The following ODAD2 variants were observed in gnomAD, a reference collection of about 807,000 sequenced individuals.
ODAD2 encodes the protein outer dynein arm-docking complex subunit 2.
ODAD2 carries 89 observed loss-of-function variants against 106.8 expected under a neutral mutation model. The ratio of observed to expected loss-of-function variants is 0.83; its 90% CI spans 0.70 to 0.99. The LOEUF is 0.99. Among genes scored for constraint, ODAD2 ranks in the 50% least tolerant of loss-of-function variants. The probability of loss-of-function intolerance (pLI) is 0.00; values close to 1 mark genes in which losing one functional copy is unlikely to be tolerated. For synonymous variants in ODAD2, 404 were observed against 436.2 expected, an observed-to-expected ratio of 0.93 and a Z score of 0.92; for missense variants, 1,168 against 1,238.5, an observed-to-expected ratio of 0.94 and a Z score of 0.85.
chr10:27,897,579 A>T (rs1170181680), intron 17 of ODAD2, among the ~76,000 whole-genome samples: 1 of 152,136 alleles, frequency 6.6e-6, no homozygotes, highest in Non-Finnish European at 1.5e-5. Flanking sequence ...TTTTCATCTG[A>T]ACTACTGTAA....
chr10:27,814,350 C>T (rs1418336279), intron 19 of ODAD2, among the ~76,000 whole-genome samples: 7 of 152,174 alleles, frequency 4.6e-5, no homozygotes, highest in African/African-American at 1.7e-4. Flanking sequence ...TCTGGGGACC[C>T]CTTCCCACCC....
chr10:27,823,240 C>T (rs1386427418), intron 19 of ODAD2, among the ~76,000 whole-genome samples: 1 of 152,014 alleles, frequency 6.6e-6, no homozygotes, highest in Non-Finnish European at 1.5e-5. Context: ...CACATAGGGG[C>T]TTCCTACATA....
intron 16 of ODAD2, among the ~76,000 whole-genome samples, chr10:27,933,051 T>C (rs940137888): frequency 6.6e-6 from 1 of 151,420 alleles, no homozygotes; most frequent in Non-Finnish European, 1.5e-5. Flanking sequence ...AGACAAGGAG[T>C]TCAAGACTAA....
Position 27,985,051 on chromosome 10 carries a change from G to A in ODAD2, c.543C>T (p.His181=). The part of the protein sequence containing the change: ...IAMLLKQLDL[H]LLNHSLKHIS... ...TATGTTTTAGAGAATGATTGAGGAGGTGCAGATCCAATTGCTTAAGCAGCA... is the reference window on the plus strand; with the variant it reads ...TATGTTTTAGAGAATGATTGAGGAGATGCAGATCCAATTGCTTAAGCAGCA... Residue 181 remains histidine (H), a synonymous_variant, in exon 4 of 20, where the codon CAC becomes CAT. Coordinates refer to ENST00000305242, the MANE Select transcript of ODAD2 (RefSeq NM_018076.5). 2 of 1,608,890 alleles carry A rather than the reference G, an allele frequency of 1.2e-6. No homozygotes were observed. Among genetic ancestry groups the A allele is most frequent in the Non-Finnish European group, 1.7e-6 (2 of 1,178,336 alleles).
chr10:27,989,390 A>G (rs1298529783), intron 2 of ODAD2, among the ~76,000 whole-genome samples: 2 of 152,214 alleles, frequency 1.3e-5, no homozygotes, highest in Non-Finnish European at 2.9e-5. Context: ...CTTGCCAATG[A>G]CATGCATTGT....
chr10:27,911,044 G>T (rs1843979288), intron 16 of ODAD2, among the ~76,000 whole-genome samples: 1 of 152,096 alleles, frequency 6.6e-6, no homozygotes, highest in South Asian at 2.1e-4. Flanking sequence ...TGTAACTTGT[G>T]CCTGAATGGC....
intron 19 of ODAD2, among the ~76,000 whole-genome samples, chr10:27,844,203 A>T (rs1387930156): frequency 6.6e-6 from 1 of 152,198 alleles, no homozygotes; most frequent in Non-Finnish European, 1.5e-5. Flanking sequence ...TCAAACCAAA[A>T]AAAAGAATAA....
intron 1 of ODAD2, chr10:27,997,523 A>T (rs1850627533): frequency 6.6e-6 from 1 of 152,226 alleles, no homozygotes; most frequent in South Asian, 2.1e-4. Context: ...CCCTTAACAC[A>T]GAATTAAGAA....
intron 1 of ODAD2, 94 bp from the exon 2 acceptor site, chr10:27,995,274 C>A (rs1850492855): frequency 7.1e-6 from 9 of 1,272,722 alleles, no homozygotes; most frequent in Non-Finnish European, 9.5e-6. Context: ...ACTCCCCATC[C>A]CACATTCTGC....
chr10:27,882,173 A>AAAGAAAGAAAGAAAGAAAGAAAGAAAG (rs1554799031), intron 17 of ODAD2, among the ~76,000 whole-genome samples: 15 of 109,742 alleles, frequency 1.4e-4, no homozygotes, highest in Middle Eastern at 4.3e-3. Context: ...GTCATAAAAA[A>AAAGAAAGAAAGAAAGAAAGAAAGAAAG]AAAGAAAGAA....
At chr10:27,933,709 A>G (rs1473664127) in intron 16 of ODAD2, among the ~76,000 whole-genome samples, 2 of 152,250 alleles carry the variant, frequency 1.3e-5, no homozygotes, top group African/African-American at 4.8e-5. Context: ...GCAAGTGTTT[A>G]TAAGATTCTA....
intron 16 of ODAD2, among the ~76,000 whole-genome samples, chr10:27,927,440 C>T (rs1287882561): frequency 6.6e-6 from 1 of 152,092 alleles, no homozygotes; most frequent in Non-Finnish European, 1.5e-5. Flanking sequence ...CTCAAAGATG[C>T]AGTAGGTCCT....
At chr10:27,927,965 A>G (rs1193395758) in intron 16 of ODAD2, among the ~76,000 whole-genome samples, 1 of 152,056 alleles carries the variant, frequency 6.6e-6, no homozygotes, top group Admixed American at 6.6e-5. Flanking sequence ...CTCTAATCTA[A>G]CTAAGCTTTA....
At chr10:27,914,427 C>G (rs963345898) in intron 16 of ODAD2, among the ~76,000 whole-genome samples, 1 of 152,062 alleles carries the variant, frequency 6.6e-6, no homozygotes, top group Non-Finnish European at 1.5e-5. Context: ...CATTAATTAT[C>G]CTTGCCTAAA....
chr10:27,857,686 C>T (rs2133291154), intron 19 of ODAD2, among the ~76,000 whole-genome samples: 1 of 152,344 alleles, frequency 6.6e-6, no homozygotes, highest in East Asian at 1.9e-4. Flanking sequence ...TGCTCCGTCA[C>T]TGTCAGGATA....
At chr10:27,985,590 C>T in intron 3 of ODAD2, among the ~76,000 whole-genome samples, 1 of 152,106 alleles carries the variant, frequency 6.6e-6, no homozygotes. Flanking sequence ...AGAATCATCA[C>T]TAGAACTATA....
At chr10:27,965,220 T>C (rs777791989) in intron 9 of ODAD2, among the ~76,000 whole-genome samples, 3 of 152,100 alleles carry the variant, frequency 2.0e-5, no homozygotes, top group South Asian at 2.1e-4. Flanking sequence ...ACTAGCCTCA[T>C]AGGAAAGGAG....
chr10:27,994,803 T>C, intron 2 of ODAD2, 116 bp downstream of exon 2: 2 of 1,121,978 alleles, frequency 1.8e-6, no homozygotes. Context: ...CATTCCCTGG[T>C]TTAGAGGGCT....
chr10:27,959,063 T>G (rs1216485095), intron 10 of ODAD2: 7 of 1,250,036 alleles, frequency 5.6e-6, no homozygotes, highest in Admixed American at 2.4e-5. Flanking sequence ...TTGGACGGGC[T>G]TAGAGGCTCA....
Sources: gnomAD v4.1 joint callset for allele counts (sites outside exome capture counted in the v4.1 genomes callset) on GRCh38, gnomAD v4.1.1 for gene constraint, MANE v1.5 for transcripts, NCBI Gene and HGNC (gene_info 2026-07-23, HGNC 2026-07-21) for gene names.